ARHGAP39: variants seen among roughly 807,000 people sequenced by gnomAD.
ARHGAP39 encodes rho GTPase-activating protein 39.
Under a neutral mutation model 106.9 loss-of-function variants are expected in ARHGAP39, and 44 were observed. The observed-to-expected ratio is 0.41, with a 90% CI of 0.32 to 0.53. The LOEUF is 0.53. Among genes scored for constraint, ARHGAP39 ranks in the 20% least tolerant of loss-of-function variants. The probability of loss-of-function intolerance (pLI) is 0.21; values close to 1 mark genes in which losing one functional copy is unlikely to be tolerated. For missense variants in ARHGAP39, 1,496 were observed against 1,577.3 expected (o/e 0.95, Z 0.87); for synonymous variants, 768 against 693.2 (o/e 1.11, Z -1.69).
chr8:144,552,446 C>T, intron 4 of ARHGAP39, among the ~76,000 whole-genome samples: 1 of 152,238 alleles, frequency 6.6e-6, no homozygotes, highest in East Asian at 1.9e-4. Flanking sequence ...AACGCTCCGC[C>T]AGAGTCCCTA....
chr8:144,694,496 G>A, the ARHGAP39 span, among the ~76,000 whole-genome samples: 1 of 152,226 alleles, frequency 6.6e-6, no homozygotes, highest in African/African-American at 2.4e-5. Context: ...TCTTTATAAA[G>A]TGCCTGTGAA....
Position 144,533,240 on chromosome 8 carries a change from T to A in ARHGAP39, c.2774A>T (p.Glu925Val), listed in dbSNP as rs1564833088. 3 of 1,613,014 alleles carry A rather than the reference T, an allele frequency of 1.9e-6. No homozygotes were observed. Among genetic ancestry groups the A allele is most frequent in the African/African-American group, 2.7e-5 (2 of 74,926 alleles). The change falls in exon 9 of 12, where the codon GAG becomes GTG. Residue 925 changes from glutamate (E) to valine (V), a missense_variant. By Grantham distance (121) the Glu-to-Val change is moderately radical. Transcript: ENST00000377307. ...SPSMFGSALQ[E>V]VMGMQRERYP... ...GCGCTCTCTCTGCATGCCCATGACCTCCTGCAGTGCGCTGCCGAACATGGA... is the reference window on the plus strand; with the variant it reads ...GCGCTCTCTCTGCATGCCCATGACCACCTGCAGTGCGCTGCCGAACATGGA...
At chr8:144,583,902 G>A (rs917904480) in intron 2 of ARHGAP39, 1 of 152,206 alleles carries the variant, frequency 6.6e-6, no homozygotes, top group Admixed American at 6.5e-5. Context: ...TAAGGATTTA[G>A]TGGGCAATGT....
intron 1 of ARHGAP39, among the ~76,000 whole-genome samples, chr8:144,633,184 C>T (rs533577126): frequency 3.8e-4 from 58 of 151,840 alleles, no homozygotes; most frequent in African/African-American, 1.3e-3. Context: ...AAAGGCCAGG[C>T]GCAGTGGCTC....
chr8:144,700,279 A>AG, the ARHGAP39 span: 2 of 152,238 alleles, frequency 1.3e-5, no homozygotes, highest in African/African-American at 4.8e-5. The surrounding 1 kb of genome is among the most constrained non-coding windows in gnomAD (Gnocchi z 5.6). Context: ...GGCGGGAGAG[A>AG]GGGGAACCAC....
chr8:144,597,525 G>A (rs917558619), intron 2 of ARHGAP39, among the ~76,000 whole-genome samples: 2 of 152,196 alleles, frequency 1.3e-5, no homozygotes, highest in African/African-American at 2.4e-5. Context: ...CGTGGACAGA[G>A]AGCCCCTCGC....
intron 4 of ARHGAP39, among the ~76,000 whole-genome samples, chr8:144,553,200 A>G (rs965193555): frequency 1.3e-5 from 2 of 151,968 alleles, no homozygotes; most frequent in African/African-American, 4.8e-5. Context: ...CACACTCTGC[A>G]CTCCACCCCA....
chr8:144,590,009 C>T (rs1819331972), intron 2 of ARHGAP39, among the ~76,000 whole-genome samples: 1 of 152,280 alleles, frequency 6.6e-6, no homozygotes. Flanking sequence ...ACTGCTAGCC[C>T]TCCATGCTCC....
chr8:144,603,103 ATC>A (rs1349280602), intron 2 of ARHGAP39, among the ~76,000 whole-genome samples: 2 of 83,638 alleles, frequency 2.4e-5, no homozygotes, highest in African/African-American at 9.5e-5. Flanking sequence ...GAGCTCATGT[ATC>A]TGTGTGCGTG....
intron 1 of ARHGAP39, among the ~76,000 whole-genome samples, chr8:144,668,074 C>G (rs1822008573): frequency 6.6e-6 from 1 of 151,624 alleles, no homozygotes; most frequent in African/African-American, 2.4e-5. Context: ...AATTCTTGGT[C>G]CCCTAAAAAC....
chr8:144,629,320 C>T (rs1262819850), intron 1 of ARHGAP39, among the ~76,000 whole-genome samples: 2 of 152,226 alleles, frequency 1.3e-5, no homozygotes, highest in East Asian at 1.9e-4. Context: ...CAGGCTCTAG[C>T]GGGCCGAAGG....
chr8:144,529,241 G>C lies in ARHGAP39; in HGVS notation c.*1181C>G. 4.1e-6 allele frequency: 1 copy of C among 245,048 alleles called. No homozygotes were observed. The highest frequency in any genetic ancestry group is 7.8e-6 in the Non-Finnish European group (1 of 128,930). The allele number at this position is 245,048 out of a possible 1,614,324, so 15.2% of individuals were successfully genotyped here. ...CTCTCGGGTCCATGCGTCGGGGCGA[G>C]CGTCTCAGCCGGGCGGGACCGCAAA... is the stretch of plus-strand genomic sequence containing the variant. On this transcript the variant is annotated 3_prime_UTR_variant, in exon 12 of 12. Coordinates refer to ENST00000377307, the MANE Select transcript of ARHGAP39 (RefSeq NM_025251.3).
intron 1 of ARHGAP39, among the ~76,000 whole-genome samples, chr8:144,639,170 T>C (rs1399821405): frequency 1.3e-5 from 2 of 151,662 alleles, no homozygotes; most frequent in African/African-American, 4.8e-5. Flanking sequence ...CTACTAAAAA[T>C]ACAAAAATTA....
At chr8:144,614,859 A>G (rs1309820297) in intron 1 of ARHGAP39, among the ~76,000 whole-genome samples, 1 of 152,090 alleles carries the variant, frequency 6.6e-6, no homozygotes, top group African/African-American at 2.4e-5. Flanking sequence ...GTGTTTTGAG[A>G]GCTCTGAGTA....
chr8:144,692,553 G>A, the ARHGAP39 span, among the ~76,000 whole-genome samples: 14 of 152,050 alleles, frequency 9.2e-5, no homozygotes, highest in Non-Finnish European at 1.3e-4. Flanking sequence ...TGACATCAGC[G>A]ACCACTGAAA....
chr8:144,533,684 G>T (rs563566894), intron 8 of ARHGAP39, among the ~76,000 whole-genome samples: 1 of 152,248 alleles, frequency 6.6e-6, no homozygotes, highest in African/African-American at 2.4e-5. Context: ...GTCCTGGGCC[G>T]GCCAGGGCTG....
intron 1 of ARHGAP39, among the ~76,000 whole-genome samples, chr8:144,650,989 C>T (rs1225837020): frequency 6.6e-6 from 1 of 152,146 alleles, no homozygotes; most frequent in African/African-American, 2.4e-5. Context: ...GATTGTATAT[C>T]TAGAAAACCC....
upstream of ARHGAP39, among the ~76,000 whole-genome samples, chr8:144,688,320 C>T (rs1047826771): frequency 4.6e-5 from 7 of 152,104 alleles, no homozygotes; most frequent in African/African-American, 1.7e-4. Flanking sequence ...GGCCAGGCTC[C>T]TCTCAAACTC....
In ARHGAP39 at chr8:144,548,417, G is replaced by T. The variant is rs1017402470; in HGVS notation, c.669C>A (p.Ser223Arg). 6.8e-6 allele frequency: 11 copies of T among 1,610,822 alleles called. No homozygotes were observed. Among genetic ancestry groups the T allele is most frequent in the Non-Finnish European group, 9.3e-6 (11 of 1,179,590 alleles). ...AGCCATTGCCCTGGGCGGCGAGGAA[G>T]CTGGGCTCCCGATCAGCGACCTTGA... ...MLIKVADREP[S>R]FLAAQGNGYA... is the part of the protein sequence containing the mutation. Residue 223 changes from serine (S) to arginine (R), a missense_variant, in exon 5 of 12, where the codon AGC becomes AGA. Transcript: ENST00000377307. The surrounding 1 kb of genome is among the most constrained non-coding windows in gnomAD (Gnocchi z 7.4).
Sources: allele counts gnomAD v4.1 joint callset (sites outside exome capture counted in the v4.1 genomes callset), GRCh38; gene constraint gnomAD v4.1.1; non-coding constraint Gnocchi (gnomAD v3.1); transcripts MANE v1.5; gene names NCBI Gene and HGNC (gene_info 2026-07-23, HGNC 2026-07-21).